The following TMEM213 variants were observed in gnomAD, a reference collection of about 807,000 sequenced individuals.
The protein encoded by TMEM213 is transmembrane protein 213.
Under a neutral mutation model 11.6 loss-of-function variants are expected in TMEM213, and 7 were observed. That is an observed-to-expected ratio of 0.60 (90% CI 0.34 to 1.13). The LOEUF is 1.13. Among genes scored for constraint, TMEM213 ranks in the 50% most tolerant of loss-of-function variants. TMEM213 has a pLI of 0.03. For synonymous variants in TMEM213, 60 were observed against 58.3 expected (o/e 1.03, Z -0.13); for missense variants, 129 against 139.0 (o/e 0.93, Z 0.36).
chr7:138,803,092 T>A lies in TMEM213; in HGVS notation c.*23T>A, dbSNP rs780329311. 1.9e-6 allele frequency: 3 copies of A among 1,607,706 alleles called. No individual in the cohort carries two copies. Among genetic ancestry groups the A allele is most frequent in the East Asian group, 4.5e-5 (2 of 44,732 alleles). ...TGAGACCCAGGCTCGGTGCACAAAA[T>A]GGTGATCGCCACCAATTTGTGGCTA... On this transcript the variant is annotated 3_prime_UTR_variant, in exon 3 of 3. Coordinates refer to ENST00000442682, the MANE Select transcript of TMEM213 (RefSeq NM_001085429.2).
chr7:138,805,691 G>A lies in TMEM213; in HGVS notation c.*2622G>A, dbSNP rs1471824347. On this transcript the variant is annotated 3_prime_UTR_variant, in exon 3 of 3. Coordinates refer to ENST00000442682, the MANE Select transcript of TMEM213 (RefSeq NM_001085429.2). ...CAGAAATAAGTCACTTTATCTCACTGAGCACCAATTTTACACGTGGAAAAT... is the reference window on the plus strand; with the variant it reads ...CAGAAATAAGTCACTTTATCTCACTAAGCACCAATTTTACACGTGGAAAAT... 1 of 152,120 alleles carries A rather than the reference G, an allele frequency of 6.6e-6. No homozygotes were observed. Among genetic ancestry groups the A allele is most frequent in the Non-Finnish European group, 1.5e-5 (1 of 68,036 alleles). 9.4% of individuals were successfully genotyped at this position (152,120 alleles called of 1,614,324 possible).
Position 138,803,192 on chromosome 7 carries a change from A to G in TMEM213, c.*123A>G. ...TCACCTTTAAGCTTCAGTTACTTTT[A>G]CAAGGGAAAGAAGAAAGAGCGGGAG... is the stretch of plus-strand genomic sequence containing the variant. On this transcript the variant is annotated 3_prime_UTR_variant, in exon 3 of 3. Transcript: ENST00000442682. 1 of 1,267,690 alleles carries G rather than the reference A, an allele frequency of 7.9e-7. No individual in the cohort carries two copies. The highest frequency in any genetic ancestry group is 1.5e-5 in the South Asian group (1 of 68,428). 78.5% of individuals were successfully genotyped at this position (1,267,690 alleles called of 1,614,324 possible). A position where few individuals can be genotyped will look rare whatever the true frequency, so the allele number is the denominator to read the frequency against.
chr7:138,798,385 G>A lies in TMEM213; in HGVS notation c.82+199G>A, dbSNP rs185115976. On this transcript the variant is annotated intron_variant, in intron 1 of 2. Coordinates refer to ENST00000442682, the MANE Select transcript of TMEM213 (RefSeq NM_001085429.2). ...TGGGGCTGGGGCAGGGGGGGTCTTA[G>A]GTTGGCCTGAGACGGAGATCAGATA... 6.6e-4 allele frequency: 377 copies of A among 571,538 alleles called. 3 individuals carry two copies. The African/African-American group carries it at 6.8e-3, about 10-fold the overall frequency. The allele number at this position is 571,538 out of a possible 1,614,324, so 35.4% of individuals were successfully genotyped here.
At chr7:138,802,055 A>C (rs1390043430) in intron 2 of TMEM213, among the ~76,000 whole-genome samples, 1 of 152,156 alleles carries the variant, frequency 6.6e-6, no homozygotes, top group Non-Finnish European at 1.5e-5. Flanking sequence ...AGTGCCAGCT[A>C]CTAGGGAGGC....
intron 1 of TMEM213, chr7:138,799,194 G>A (rs1808844403): frequency 6.6e-6 from 1 of 152,182 alleles, no homozygotes; most frequent in Admixed American, 6.5e-5. Context: ...TTCATGTAAA[G>A]AACTTAGAAA....
Position 138,799,043 on chromosome 7 carries a change from C to T in TMEM213, c.82+857C>T, listed in dbSNP as rs966956866. Among the ~76,000 whole-genome samples, 15 of 152,086 alleles carry T rather than the reference C, an allele frequency of 9.9e-5. No homozygotes were observed. In the South Asian group the frequency reaches 1.7e-3, roughly 17 times the overall value. ...AGGTTCAAGACGTGCACTCTTGAGCCGCTGAGCCTGAACCCAGGTCCAGCT... is the reference window on the plus strand; with the variant it reads ...AGGTTCAAGACGTGCACTCTTGAGCTGCTGAGCCTGAACCCAGGTCCAGCT... On this transcript the variant is annotated intron_variant, in intron 1 of 2. Coordinates refer to ENST00000442682, the MANE Select transcript of TMEM213 (RefSeq NM_001085429.2).
At chr7:138,798,291 G>T in intron 1 of TMEM213, 105 bp downstream of exon 1, 1 of 997,426 alleles carries the variant, frequency 1.0e-6, no homozygotes, top group South Asian at 1.5e-5. Context: ...TTTGGCCAGG[G>T]TTGGTCCTGC....
Position 138,803,580 on chromosome 7 carries a change from T to A in TMEM213, c.*511T>A. ...ATCACTCAAGGTCAGGAGTTCCAGA[T>A]CAGCCTGGCCAACATGGTGAAACCC... is the stretch of plus-strand genomic sequence containing the variant. On this transcript the variant is annotated 3_prime_UTR_variant, in exon 3 of 3. Coordinates refer to ENST00000442682, the MANE Select transcript of TMEM213 (RefSeq NM_001085429.2). 1 of 156,002 alleles carries A rather than the reference T, an allele frequency of 6.4e-6. No individual in the cohort carries two copies. The highest frequency in any genetic ancestry group is 1.4e-5 in the Non-Finnish European group (1 of 71,436). The allele number at this position is 156,002 out of a possible 1,614,324, so 9.7% of individuals were successfully genotyped here.
At chr7:138,800,217 G>C (rs1808887506) in intron 1 of TMEM213, among the ~76,000 whole-genome samples, 1 of 152,112 alleles carries the variant, frequency 6.6e-6, no homozygotes, top group South Asian at 2.1e-4. Flanking sequence ...CCCTTGGCAT[G>C]GGTCTAATGT....
Position 138,803,290 on chromosome 7 carries a change from CCT to C in TMEM213, c.*227_*228del, listed in dbSNP as rs1809006832. The stretch of plus-strand genomic sequence containing the variant: ...GCCCCTGGGCTGTGCCCAGGTAACT[CCT>C]CTCTCAAGATAGTCCCTCTGTAATG... On this transcript the variant is annotated 3_prime_UTR_variant, in exon 3 of 3. Coordinates refer to ENST00000442682, the MANE Select transcript of TMEM213 (RefSeq NM_001085429.2). 3 of 573,160 alleles carry C rather than the reference CCT, an allele frequency of 5.2e-6. No homozygotes were observed. The African/African-American group carries it at 5.7e-5, about 11-fold the overall frequency. The allele number at this position is 573,160 out of a possible 1,614,324, so 35.5% of individuals were successfully genotyped here.
chr7:138,798,120 G>A lies in TMEM213; in HGVS notation c.16G>A (p.Ala6Thr), dbSNP rs1178597548. ...AGCCTCCAGCATGCAGCGCCTCCCC[G>A]CTGCCACCCGGGCCACCCTGATCCT... MQRLP[A>T]ATRATLILSL... Residue 6 changes from alanine to threonine, a missense_variant, in exon 1 of 3, where the codon GCT becomes ACT. Transcript: ENST00000442682. The A allele has an allele frequency of 1.3e-5, 21 of 1,600,052 alleles. No homozygotes were observed. The highest frequency in any genetic ancestry group is 2.7e-5 in the African/African-American group (2 of 74,658).
chr7:138,803,138 T>C lies in TMEM213; in HGVS notation c.*69T>C. Reference sequence around the variant, plus strand: ...GGCTAATGGGGAAGGGGAGTAAGGCTAACATGGTTTCTATTATTTAAGTCA... The same window carrying C: ...GGCTAATGGGGAAGGGGAGTAAGGCCAACATGGTTTCTATTATTTAAGTCA... On this transcript the variant is annotated 3_prime_UTR_variant, in exon 3 of 3. Coordinates refer to ENST00000442682, the MANE Select transcript of TMEM213 (RefSeq NM_001085429.2). 2 of 1,510,582 alleles carry C rather than the reference T, an allele frequency of 1.3e-6. No individual in the cohort carries two copies. Among genetic ancestry groups the C allele is most frequent in the Non-Finnish European group, 1.8e-6 (2 of 1,116,706 alleles). 93.6% of individuals were successfully genotyped at this position (1,510,582 alleles called of 1,614,324 possible).
chr7:138,802,749 G>A (rs988863041), intron 2 of TMEM213, 151 bp from the exon 3 acceptor site: 12 of 675,380 alleles, frequency 1.8e-5, no homozygotes, highest in East Asian at 3.3e-5. Flanking sequence ...ATAAGCTAAC[G>A]TGTAAAAGCA....
At chr7:138,802,862 G>T in intron 2 of TMEM213, 38 bp from the exon 3 acceptor site, 1 of 1,520,192 alleles carries the variant, frequency 6.6e-7, no homozygotes, top group Non-Finnish European at 8.8e-7. Context: ...CAGGGCTGGT[G>T]GTGCATGCCG....
chr7:138,802,999 C>T lies in TMEM213; in HGVS notation c.254C>T (p.Thr85Ile), dbSNP rs1263726377. ...GTTGGCTGGAGCCTCTGGTTCCTCA[C>T]CCTCATCCTGCTCTGTGTGGACAAA... Reference protein sequence around the residue: ...AAVGWSLWFLTLILLCVDKLM... With the variant: ...AAVGWSLWFLILILLCVDKLM... The change falls in exon 3 of 3, where the codon ACC becomes ATC. Residue 85 changes from threonine (T) to isoleucine (I), a missense_variant. By Grantham distance (89) the Thr-to-Ile change is moderately conservative. Coordinates refer to ENST00000442682, the MANE Select transcript of TMEM213 (RefSeq NM_001085429.2). 16 of 1,613,798 alleles carry T rather than the reference C, an allele frequency of 9.9e-6. No individual in the cohort carries two copies. The highest frequency in any genetic ancestry group is 1.3e-5 in the Non-Finnish European group (15 of 1,179,884).
intron 1 of TMEM213, among the ~76,000 whole-genome samples, chr7:138,799,915 C>T (rs545146165): frequency 6.6e-6 from 1 of 152,282 alleles, no homozygotes; most frequent in East Asian, 1.9e-4. Context: ...CTTCTGAACT[C>T]GTCCTGCTGT....
intron 1 of TMEM213, among the ~76,000 whole-genome samples, chr7:138,800,979 G>C (rs6944902): frequency 0.5 from 75,287 of 151,774 alleles, 18,896 homozygotes; most frequent in East Asian, 0.66. Context: ...GATTACAGGT[G>C]TGAACCACTG....
intron 1 of TMEM213, chr7:138,799,581 C>A (rs534057781): frequency 4.1e-4 from 63 of 152,366 alleles, no homozygotes; most frequent in African/African-American, 1.4e-3. Context: ...TAAGCTCGAA[C>A]CTAACCCTAG....
At chr7:138,801,179 T>G in intron 1 of TMEM213, 148 bp from the exon 2 acceptor site, 2 of 709,296 alleles carry the variant, frequency 2.8e-6, no homozygotes, top group South Asian at 3.5e-5. Flanking sequence ...GGAGTTAGCT[T>G]TGTTGCAGAA....
Sources: allele counts gnomAD v4.1 joint callset (sites outside exome capture counted in the v4.1 genomes callset), GRCh38; gene constraint gnomAD v4.1.1; transcripts MANE v1.5; gene names NCBI Gene and HGNC (gene_info 2026-07-23, HGNC 2026-07-21).